The following ATP13A2 variants were observed in gnomAD, a reference collection of about 807,000 sequenced individuals.
ATP13A2 encodes the protein ATPase cation transporting 13A2, also known as polyamine-transporting ATPase 13A2.
In ATP13A2, 83 loss-of-function variants were observed where a neutral mutation model predicts 138.3. That is an observed-to-expected ratio of 0.60 (90% CI 0.50 to 0.72). ATP13A2 has a LOEUF of 0.72. ATP13A2 is among the 30% of genes least tolerant of loss of function. ATP13A2 has a pLI of 0.00. For missense variants in ATP13A2, 1,402 were observed against 1,606.4 expected, an observed-to-expected ratio of 0.87 and a Z score of 2.17; for synonymous variants, 663 against 699.0, an observed-to-expected ratio of 0.95 and a Z score of 0.81.
At chr1:17,005,202 G>A (rs984221429) in intron 3 of ATP13A2, 130 bp from the exon 4 acceptor site, 22 of 1,466,628 alleles carry the variant, frequency 1.5e-5, no homozygotes, top group Middle Eastern at 1.8e-4. Context: ...GAAACCACCC[G>A]ACCCGTCCCT....
At chr1:16,993,049 T>A (rs1469188729) in intron 16 of ATP13A2, among the ~76,000 whole-genome samples, 1 of 152,076 alleles carries the variant, frequency 6.6e-6, no homozygotes, top group Non-Finnish European at 1.5e-5. Flanking sequence ...CCCAAGTAGC[T>A]GGGACTACAG....
chr1:16,992,001 A>G lies in ATP13A2; in HGVS notation c.2126+8T>C. The G allele has an allele frequency of 6.2e-7, 1 of 1,611,782 alleles. No individual in the cohort carries two copies. The highest frequency in any genetic ancestry group is 1.1e-5 in the South Asian group (1 of 91,020). ...CCTCAGAGTGGGTGGGACAGGAGAC[A>G]GGCCCACCTCGTCAGTTGCTGGGCT... is the stretch of plus-strand genomic sequence containing the variant. On this transcript the variant is annotated splice_region_variant and intron_variant, in intron 19 of 28. Transcript: ENST00000326735.
At chr1:16,992,689 G>A in intron 16 of ATP13A2, 108 bp from the exon 17 acceptor site, 1 of 1,203,064 alleles carries the variant, frequency 8.3e-7, no homozygotes, top group Non-Finnish European at 1.2e-6. Context: ...GGTGGGTTAA[G>A]AATGTGGGCT....
rs377186549 is a variant in ATP13A2, at chr1:16,996,490, C to T, written c.1202G>A (p.Cys401Tyr). 2.1e-5 allele frequency: 34 copies of T among 1,613,802 alleles called. No homozygotes were observed. In the East Asian group the frequency reaches 3.3e-4, roughly 16 times the overall value. ...VLAVVTRTGF[C>Y]TAKGGLVSSI... ...GCTCACCAGGCCCCCTTTTGCCGTG[C>T]AGAACCCTGGGGAGGAGGCGGGGAC... Residue 401 changes from cysteine to tyrosine, a missense_variant, in exon 13 of 29, where the codon TGC becomes TAC. Transcript: ENST00000326735.
Position 16,992,016 on chromosome 1 carries a change from G to A in ATP13A2, c.2119C>T (p.Leu707=), listed in dbSNP as rs762570626. 2.2e-5 allele frequency: 35 copies of A among 1,612,692 alleles called. No homozygotes were observed. In the South Asian group the frequency reaches 2.4e-4, roughly 11 times the overall value. The change falls in exon 19 of 29, where the codon CTG becomes TTG. Residue 707 remains leucine (L), a synonymous_variant. Transcript: ENST00000326735. ...TVPSLEAAQQ[L]TRDTVEGDLS... ...GACAGGAGACAGGCCCACCTCGTCAGTTGCTGGGCTGCCTCCAGGCTGGGC... is the reference window on the plus strand; with the variant it reads ...GACAGGAGACAGGCCCACCTCGTCAATTGCTGGGCTGCCTCCAGGCTGGGC...
chr1:16,987,085 A>T lies in ATP13A2; in HGVS notation c.3044T>A (p.Val1015Glu). 1 of 1,613,388 alleles carries T rather than the reference A, an allele frequency of 6.2e-7. No individual in the cohort carries two copies. Among genetic ancestry groups the T allele is most frequent in the East Asian group, 2.2e-5 (1 of 44,866 alleles). ...LLLQMVLVTG[V>E]QLGGYFLTLA... Reference sequence around the variant, plus strand: ...GGTCAGGAAGTAGCCCCCTAGCTGCACGCCGGTCACCAGGACCATCTGCAG... The same window carrying T: ...GGTCAGGAAGTAGCCCCCTAGCTGCTCGCCGGTCACCAGGACCATCTGCAG... The change falls in exon 26 of 29, where the codon GTG becomes GAG. Residue 1015 changes from valine (V) to glutamate (E), a missense_variant. By Grantham distance (121) the Val-to-Glu change is moderately radical (BLOSUM62 -2). Transcript: ENST00000326735.
At chr1:16,988,090 TCCCTAGTCC>T in intron 25 of ATP13A2, 39 bp downstream of exon 25, 2 of 1,550,550 alleles carry the variant, frequency 1.3e-6, no homozygotes, top group South Asian at 2.2e-5. Flanking sequence ...CTGTGTCCCC[TCCCTAGTCC>T]TGGGACGGCT....
chr1:16,987,175 AGC>A lies in ATP13A2; in HGVS notation c.2952_2953del (p.Leu985GlyfsTer128). 6.2e-7 allele frequency: 1 copy of A among 1,613,608 alleles called. No homozygotes were observed. Among genetic ancestry groups the A allele is most frequent in the South Asian group, 1.1e-5 (1 of 91,078 alleles). On this transcript the variant is annotated frameshift_variant, in exon 26 of 29. Coordinates refer to ENST00000326735, the MANE Select transcript of ATP13A2 (RefSeq NM_022089.4). LOFTEE classifies it high-confidence loss of function. ...CGGTGGCCGCACCCGTCCCAGGACC[AGC>A]GCTGGCCCCGTGCGGCTCATGAGCA...
rs542270701 is a variant in ATP13A2, at chr1:16,986,065, C to T, written c.*156G>A. ...GTCCAAGGTAGGGGACAGTAGTCAA[C>T]GCTTCCCCAGGGTGGGGGTGGTCTC... On this transcript the variant is annotated 3_prime_UTR_variant, in exon 29 of 29. Transcript: ENST00000326735. This position sits in a 1 kb window ranked among gnomAD's most constrained non-coding sequence, Gnocchi z 6.9. 2.1e-4 allele frequency: 311 copies of T among 1,516,166 alleles called. No homozygotes were observed. Among genetic ancestry groups the T allele is most frequent in the African/African-American group, 3.1e-4 (22 of 71,636 alleles). The allele number at this position is 1,516,166 out of a possible 1,614,324, so 93.9% of individuals were successfully genotyped here.
Position 16,996,120 on chromosome 1 carries a change from G to C in ATP13A2, c.1398C>G (p.Thr466=), listed in dbSNP as rs768482207. Residue 466 remains threonine, a synonymous_variant, in exon 15 of 29, where the codon ACC becomes ACG. Coordinates refer to ENST00000326735, the MANE Select transcript of ATP13A2 (RefSeq NM_022089.4). ...EIVIRALDLV[T]VVVPPALPAA... is the part of the protein sequence containing the mutation. ...CAGGCAGGGCAGGTGGCACCACCAC[G>C]GTCACCAGGTCGAGAGCCCGGATTA... 1 of 1,614,088 alleles carries C rather than the reference G, an allele frequency of 6.2e-7. No homozygotes were observed. Among genetic ancestry groups the C allele is most frequent in the South Asian group, 1.1e-5 (1 of 91,088 alleles).
rs763579755 is a variant in ATP13A2, at chr1:16,993,648, A to G, written c.1730T>C (p.Met577Thr). 1 of 1,590,828 alleles carries G rather than the reference A, an allele frequency of 6.3e-7. No individual in the cohort carries two copies. Among genetic ancestry groups the G allele is most frequent in the Non-Finnish European group, 8.6e-7 (1 of 1,169,080 alleles). ...CCTCACCCAGCCAGTAGACTCCACC[A>G]TCTTCAAGTCCATGGGGTCGCCCAC... is the stretch of plus-strand genomic sequence containing the variant. ...TPVGDPMDLK[M>T]VESTGWVLEE... Residue 577 changes from methionine to threonine, a missense_variant, in exon 16 of 29, where the codon ATG becomes ACG. Coordinates refer to ENST00000326735, the MANE Select transcript of ATP13A2 (RefSeq NM_022089.4).
chr1:16,986,629 G>A lies in ATP13A2; in HGVS notation c.3239C>T (p.Pro1080Leu), dbSNP rs773379849. Reference sequence around the variant, plus strand: ...CAGGAGCGCCAGGGCCACCAGGAAGGGCACTGGGAGCAGGAGAGTCTCTCA... The same window carrying A: ...CAGGAGCGCCAGGGCCACCAGGAAGAGCACTGGGAGCAGGAGAGTCTCTCA... ...PFRRPLYTNV[P>L]FLVALALLSS... is the part of the protein sequence containing the mutation. Residue 1080 changes from proline to leucine, a missense_variant, in exon 28 of 29, where the codon CCC (proline) becomes CTC (leucine). Transcript: ENST00000326735. This position sits in a 1 kb window ranked among gnomAD's most constrained non-coding sequence, Gnocchi z 6.9. 6.2e-7 allele frequency: 1 copy of A among 1,607,352 alleles called. No homozygotes were observed. The highest frequency in any genetic ancestry group is 8.5e-7 in the Non-Finnish European group (1 of 1,178,686).
rs1386611517 is a variant in ATP13A2, at chr1:16,995,288, T to C, written c.1542+688A>G. On this transcript the variant is annotated intron_variant, in intron 15 of 28. Transcript: ENST00000326735. The surrounding 1 kb of genome is among the most constrained non-coding windows in gnomAD (Gnocchi z 4.1). Reference sequence around the variant, plus strand: ...CCATCAAGCTATCCCACTGGCTTCCTTCCTAAAACCCACTGCCCACTCCTC... The same window carrying C: ...CCATCAAGCTATCCCACTGGCTTCCCTCCTAAAACCCACTGCCCACTCCTC... Among the ~76,000 whole-genome samples the C allele has an allele frequency of 6.6e-6, 1 of 152,138 alleles. No individual in the cohort carries two copies. Among genetic ancestry groups the C allele is most frequent in the Non-Finnish European group, 1.5e-5 (1 of 68,024 alleles).
intron 26 of ATP13A2, 33 bp downstream of exon 26, chr1:16,987,013 G>A (rs56165294): frequency 1.9e-5 from 31 of 1,613,246 alleles, no homozygotes; most frequent in Middle Eastern, 1.7e-4. Flanking sequence ...GGGAAGGGGC[G>A]GGATGGGGGT....
rs2077532054 is a variant in ATP13A2, at chr1:17,005,685, A to G, written c.104T>C (p.Val35Ala). ...CCCCACCCCACTCTGCCCACTTACC[A>G]CGGATGAAACTGAGGAGCTGAGGGG... ...IDPLSSSVSSVRLSGYCGSPW... is the reference protein window; with the variant it reads ...IDPLSSSVSSARLSGYCGSPW... Residue 35 changes from valine to alanine, a missense_variant and splice_region_variant, in exon 2 of 29, where the codon GTG (valine) becomes GCG (alanine). By Grantham distance (64) the Val-to-Ala change is moderately conservative. Coordinates refer to ENST00000326735, the MANE Select transcript of ATP13A2 (RefSeq NM_022089.4). 1.9e-6 allele frequency: 3 copies of G among 1,613,750 alleles called. No homozygotes were observed. In the African/African-American group the frequency reaches 4.0e-5, roughly 22 times the overall value.
Position 16,989,994 on chromosome 1 carries a change from G to C in ATP13A2, c.2422C>G (p.Gln808Glu), listed in dbSNP as rs774997717. ...GGCTCCACGGTGTAGCTTGCAGCCT[G>C]GTCAGGATCCTGGGGGCCCAGGAAG... ...TAVNGVKDPD[Q>E]AASYTVEPDP... is the part of the protein sequence containing the mutation. Residue 808 changes from glutamine (Q) to glutamate (E), a missense_variant, in exon 22 of 29, where the codon CAG (glutamine) becomes GAG (glutamate). Coordinates refer to ENST00000326735, the MANE Select transcript of ATP13A2 (RefSeq NM_022089.4). The C allele has an allele frequency of 1.1e-5, 18 of 1,611,752 alleles. No homozygotes were observed. Among genetic ancestry groups the C allele is most frequent in the East Asian group, 2.2e-5 (1 of 44,800 alleles).
At position 16,986,857 on chromosome 1, in the gene ATP13A2, C is replaced by T. The variant is rs371155708; in HGVS notation, c.3183G>A (p.Leu1061=). 10 of 1,614,014 alleles carry T rather than the reference C, an allele frequency of 6.2e-6. No homozygotes were observed. The African/African-American group carries it at 9.3e-5, about 15-fold the overall frequency. The change falls in exon 27 of 29, where the codon CTG becomes CTA. Residue 1061 remains leucine, a synonymous_variant. Transcript: ENST00000326735. This position sits in a 1 kb window ranked among gnomAD's most constrained non-coding sequence, Gnocchi z 6.9. ...FSLSSFQYLI[L]AAAVSKGAPF... ...GCGCCCCCTTGGACACGGCTGCAGC[C>T]AGGATGAGGTACTGGAAGCTGGACA... is the stretch of plus-strand genomic sequence containing the variant.
rs766561219 is a variant in ATP13A2 at position 16,986,653 on chromosome 1, C to G, written c.3236-21G>C. On this transcript the variant is annotated intron_variant, in intron 27 of 28. Transcript: ENST00000326735. This position sits in a 1 kb window ranked among gnomAD's most constrained non-coding sequence, Gnocchi z 6.9. ...GGGCACTGGGAGCAGGAGAGTCTCT[C>G]AGGCAGGAGCCACGCCCCCCCGGCA... 1.3e-6 allele frequency: 2 copies of G among 1,597,538 alleles called. No homozygotes were observed.
chr1:16,987,284 G>A lies in ATP13A2; in HGVS notation c.2860-15C>T. On this transcript the variant is annotated splice_polypyrimidine_tract_variant and intron_variant, in intron 25 of 28. Transcript: ENST00000326735. ...TTGGTGTTGATCTGCCACAGGGAAGGGAGGACAGAGGGGAAACTAAGACCT... is the reference window on the plus strand; with the variant it reads ...TTGGTGTTGATCTGCCACAGGGAAGAGAGGACAGAGGGGAAACTAAGACCT... 1 of 1,612,468 alleles carries A rather than the reference G, an allele frequency of 6.2e-7. No homozygotes were observed. The highest frequency in any genetic ancestry group is 8.5e-7 in the Non-Finnish European group (1 of 1,179,144).
Sources: gnomAD v4.1 joint callset for allele counts (sites outside exome capture counted in the v4.1 genomes callset) on GRCh38, gnomAD v4.1.1 for gene constraint, Gnocchi (gnomAD v3.1) non-coding constraint, MANE v1.5 for transcripts, NCBI Gene and HGNC (gene_info 2026-07-23, HGNC 2026-07-21) for gene names.